The following MALAT1 variants were observed in gnomAD, a reference collection of about 807,000 sequenced individuals.
MALAT1 encodes the protein metastasis associated lung adenocarcinoma transcript 1.
exon 3 of MALAT1, chr11:65,501,766 T>A (rs1433806307): frequency 1.9e-6 from 1 of 518,858 alleles, no homozygotes; most frequent in Non-Finnish European, 3.8e-6. Flanking sequence ...TCAGGAGAAC[T>A]TCAGAAGAGC....
At chr11:65,502,331 G>GC in exon 3 of MALAT1, 1 of 515,502 alleles carries the variant, frequency 1.9e-6, no homozygotes, top group Non-Finnish European at 3.9e-6. Flanking sequence ...AAACTGCAGA[G>GC]CAAAGGAAGT....
rs192644130 is a variant in MALAT1, at chr11:65,503,897, C to T, written n.5160C>T. 4.4e-5 allele frequency: 23 copies of T among 517,846 alleles called. No homozygotes were observed. The East Asian group carries it at 6.5e-4, about 15-fold the overall frequency. 32.1% of individuals were successfully genotyped at this position (517,846 alleles called of 1,614,324 possible). A position where few individuals can be genotyped will look rare whatever the true frequency, so the allele number is the denominator to read the frequency against. On this transcript the variant is annotated non_coding_transcript_exon_variant, in exon 3 of 4. Transcript: ENST00000619449. Reference sequence around the variant, plus strand: ...CCTCTAAATAAGGAATAAATAACCTCTTAGACAGGTGGGAGATTATGATCA... The same window carrying T: ...CCTCTAAATAAGGAATAAATAACCTTTTAGACAGGTGGGAGATTATGATCA...
Position 65,497,914 on chromosome 11 carries a change from G to T in MALAT1, n.178+49G>T, listed in dbSNP as rs200119346. 8.1e-4 allele frequency: 419 copies of T among 518,832 alleles called. 1 individual carries two copies. The highest frequency in any genetic ancestry group is 1.2e-3 in the Non-Finnish European group (321 of 259,704). 32.1% of individuals were successfully genotyped at this position (518,832 alleles called of 1,614,324 possible). ...GGAGCCCAGGTTTCCCAGAGTCCTT[G>T]GGACGCAGCGACGAGTTGTGCTGCT... On this transcript the variant is annotated intron_variant and non_coding_transcript_variant, in intron 1 of 3. Transcript: ENST00000619449.
intron 3 of MALAT1, chr11:65,505,768 C>G: frequency 1.9e-6 from 1 of 518,534 alleles, no homozygotes; most frequent in Non-Finnish European, 3.9e-6. Flanking sequence ...AGCTAAGTAG[C>G]TCTATTATAA....
chr11:65,499,515 G>A (rs1854490294), exon 3 of MALAT1: 1 of 462,418 alleles, frequency 2.2e-6, no homozygotes, highest in Non-Finnish European at 4.3e-6. Context: ...AACCGAAGGT[G>A]ATTAAAAGAC....
chr11:65,501,898 G>A (rs1216068341), exon 3 of MALAT1: 1 of 517,342 alleles, frequency 1.9e-6, no homozygotes, highest in East Asian at 5.5e-5. Flanking sequence ...TGGGATTGGT[G>A]GGGTGGGTTT....
At chr11:65,504,445 T>TA (rs1473617681) in intron 3 of MALAT1, 1 of 518,808 alleles carries the variant, frequency 1.9e-6, no homozygotes, top group Non-Finnish European at 3.8e-6. Flanking sequence ...GGAGTATGAT[T>TA]AAAAGTTGTG....
At chr11:65,506,316 T>G in exon 4 of MALAT1, 1 of 465,930 alleles carries the variant, frequency 2.1e-6, no homozygotes, top group Non-Finnish European at 4.2e-6. Context: ...GTATAATTTG[T>G]CAGGAGCTTG....
exon 3 of MALAT1, chr11:65,499,344 T>G: frequency 2.0e-6 from 1 of 496,698 alleles, no homozygotes; most frequent in Non-Finnish European, 4.0e-6. Context: ...AAAATGTATT[T>G]AAAAGAAAAT....
intron 1 of MALAT1, chr11:65,498,172 T>A (rs748480454): frequency 6.4e-5 from 33 of 518,852 alleles, no homozygotes; most frequent in South Asian, 4.6e-4. Context: ...TGTCCCTGAC[T>A]GGCTGCCCAA....
Position 65,501,840 on chromosome 11 carries a change from A to AG in MALAT1, n.3107dup, listed in dbSNP as rs746133035. ...TGTGACTTCTTAAAAGTTTTATTAAAGGGGAGGGGCAAATATTGGCAATTA... is the reference window on the plus strand; with the variant it reads ...TGTGACTTCTTAAAAGTTTTATTAAAGGGGGAGGGGCAAATATTGGCAATTA... On this transcript the variant is annotated non_coding_transcript_exon_variant, in exon 3 of 4. Coordinates refer to ENST00000619449, the Ensembl canonical transcript of MALAT1. 40 of 517,434 alleles carry AG rather than the reference A, an allele frequency of 7.7e-5. No individual in the cohort carries two copies. In the Admixed American group the frequency reaches 7.8e-4, roughly 10 times the overall value. 32.1% of individuals were successfully genotyped at this position (517,434 alleles called of 1,614,324 possible).
At position 65,500,521 on chromosome 11, in the gene MALAT1, T is replaced by C. The variant is rs774912607; in HGVS notation, n.1784T>C. On this transcript the variant is annotated non_coding_transcript_exon_variant, in exon 3 of 4. Coordinates refer to ENST00000619449, the Ensembl canonical transcript of MALAT1. The stretch of plus-strand genomic sequence containing the variant: ...AGCAAGCAGCAGTTCGTGGTGAAGA[T>C]AGGAAAAGAGTCCAGGAGCCAGTGC... 1.4e-5 allele frequency: 7 copies of C among 518,512 alleles called. No individual in the cohort carries two copies. The East Asian group carries it at 1.6e-4, about 12-fold the overall frequency. 32.1% of individuals were successfully genotyped at this position (518,512 alleles called of 1,614,324 possible).
intron 3 of MALAT1, chr11:65,505,744 G>T (rs1311073235): frequency 1.9e-6 from 1 of 518,788 alleles, no homozygotes; most frequent in South Asian, 1.4e-5. Context: ...TTAACAGAAG[G>T]GTATTAAAAC....
intron 1 of MALAT1, chr11:65,498,568 G>A (rs895460909): frequency 1.9e-6 from 1 of 518,740 alleles, no homozygotes; most frequent in East Asian, 5.4e-5. Context: ...GCAAGCAGTT[G>A]GGGGAGAAAG....
At chr11:65,499,740 T>A (rs1338376811) in exon 3 of MALAT1, 2 of 431,448 alleles carry the variant, frequency 4.6e-6, no homozygotes, top group South Asian at 1.7e-5. Flanking sequence ...AAACATACTT[T>A]TAGAAGAAAA....
rs111897520 is a variant in MALAT1, at chr11:65,504,654, C to G, written n.5168+749C>G. The G allele has an allele frequency of 2.6e-3, 1,356 of 518,806 alleles. 2 individuals are homozygous for G. The highest frequency in any genetic ancestry group is 3.9e-3 in the Non-Finnish European group (1,011 of 259,816). 32.1% of individuals were successfully genotyped at this position (518,806 alleles called of 1,614,324 possible). A position where few individuals can be genotyped will look rare whatever the true frequency, so the allele number is the denominator to read the frequency against. On this transcript the variant is annotated intron_variant and non_coding_transcript_variant, in intron 3 of 3. Transcript: ENST00000619449. ...AGGGGACTGAAGCCTTTAGTCTTTT[C>G]CAGATGCAACCTTAAAATCAGTGAC... is the stretch of plus-strand genomic sequence containing the variant.
intron 3 of MALAT1, chr11:65,505,635 G>A (rs1319737042): frequency 3.9e-6 from 2 of 519,000 alleles, no homozygotes; most frequent in South Asian, 1.4e-5. Context: ...TTGGATCCTT[G>A]TGGGCATGAT....
At chr11:65,503,281 C>G (rs1326242280) in exon 3 of MALAT1, 1 of 517,600 alleles carries the variant, frequency 1.9e-6, no homozygotes, top group Non-Finnish European at 3.9e-6. Flanking sequence ...AACCATGGCA[C>G]TTTCTCCTGA....
chr11:65,498,393 C>T (rs751695837), intron 1 of MALAT1: 10 of 518,346 alleles, frequency 1.9e-5, no homozygotes, highest in South Asian at 1.4e-4. Context: ...AGCCAACGGC[C>T]CCCGGGGCTC....
Sources: gnomAD v4.1 joint callset for allele counts on GRCh38, gnomAD v4.1.1 for gene constraint, MANE v1.5 for transcripts, NCBI Gene and HGNC (gene_info 2026-07-23, HGNC 2026-07-21) for gene names.